The following NPHS2 variants were observed in gnomAD, a reference collection of about 807,000 sequenced individuals.
NPHS2 encodes podocin.
NPHS2 carries 36 observed loss-of-function variants against 37.1 expected under a neutral mutation model. The ratio of observed to expected loss-of-function variants is 0.97; its 90% CI spans 0.74 to 1.28. The LOEUF (loss-of-function observed/expected upper bound fraction) is 1.28, where lower values mean the gene tolerates loss of function less well. Ranked by LOEUF, NPHS2 falls within the 50% of genes most tolerant of loss-of-function variation. The probability of loss-of-function intolerance (pLI) is 0.00; values close to 1 mark genes in which losing one functional copy is unlikely to be tolerated. For synonymous variants in NPHS2, 196 were observed against 189.3 expected (o/e 1.04, Z -0.29); for missense variants, 447 against 488.1 (o/e 0.92, Z 0.79).
intron 1 of NPHS2, among the ~76,000 whole-genome samples, chr1:179,569,755 A>C (rs1211506761): frequency 6.6e-6 from 1 of 152,166 alleles, no homozygotes; most frequent in African/African-American, 2.4e-5. Context: ...AAAATCTCTC[A>C]GCATTTTGCT....
At chr1:179,551,933 C>T (rs1673343190) in intron 7 of NPHS2, 1 of 174,510 alleles carries the variant, frequency 5.7e-6, no homozygotes, top group African/African-American at 2.4e-5. Flanking sequence ...GACTATCCTC[C>T]TCCCCTTCCT....
Position 179,575,821 on chromosome 1 carries a change from C to T in NPHS2, c.44G>A (p.Arg15Gln), listed in dbSNP as rs1347576607. The T allele has an allele frequency of 6.2e-6, 9 of 1,458,686 alleles. No homozygotes were observed. In the South Asian group the frequency reaches 1.2e-4, roughly 19 times the overall value. The allele number at this position is 1,458,686 out of a possible 1,614,324, so 90.4% of individuals were successfully genotyped here. The change falls in exon 1 of 8, where the codon CGA (arginine) becomes CAA (glutamine). Residue 15 changes from arginine to glutamine, a missense_variant. Arg to Gln is a conservative substitution (Grantham distance 43). Transcript: ENST00000367615. ...CTCCTTGTGCGGAGTCCTGCCGCCT[C>T]GCCCGCGGGACTCCCTGGAGGAGCT... ...ARSSSRESRG[R>Q]GGRTPHKENK...
rs188735980 is a variant in NPHS2, at chr1:179,554,743, T to C, written c.739-212A>G. ...AATATCTGTGCAATTGAAGATGGTG[T>C]GGTATGCTGAATAATGGTCCCCAAA... On this transcript the variant is annotated intron_variant, in intron 5 of 7. Coordinates refer to ENST00000367615, the MANE Select transcript of NPHS2 (RefSeq NM_014625.4). 558 of 648,202 alleles carry C rather than the reference T, an allele frequency of 8.6e-4. 2 individuals carry two copies. The highest frequency in any genetic ancestry group is 4.2e-3 in the Admixed American group (165 of 39,588). The allele number at this position is 648,202 out of a possible 1,614,324, so 40.2% of individuals were successfully genotyped here.
chr1:179,552,519 G>T, intron 7 of NPHS2, 84 bp downstream of exon 7: 1 of 1,048,590 alleles, frequency 9.5e-7, no homozygotes, highest in Non-Finnish European at 1.5e-6. Context: ...CCTAATGAAT[G>T]GACAGTAAGG....
chr1:179,554,360 T>G, intron 6 of NPHS2, 116 bp downstream of exon 6: 1 of 1,210,576 alleles, frequency 8.3e-7, no homozygotes, highest in Non-Finnish European at 1.2e-6. Flanking sequence ...TTTTATAAAT[T>G]TATGCTGATA....
rs1317728605 is a variant in NPHS2, at chr1:179,556,724, C to T, written c.738+303G>A. Among the ~76,000 whole-genome samples, 3 of 152,128 alleles carry T rather than the reference C, an allele frequency of 2.0e-5. No homozygotes were observed. The highest frequency in any genetic ancestry group is 2.1e-4 in the South Asian group (1 of 4,818). On this transcript the variant is annotated intron_variant, in intron 5 of 7. Coordinates refer to ENST00000367615, the MANE Select transcript of NPHS2 (RefSeq NM_014625.4). This position sits in a 1 kb window ranked among gnomAD's most constrained non-coding sequence, Gnocchi z 4.1. The stretch of plus-strand genomic sequence containing the variant: ...ACCCCTCCTGTCCATCCCCACCAAC[C>T]CCACCGTTCCTGCCAGCAATCATTC...
rs1368752822 is a variant in NPHS2, at chr1:179,550,727, G to A, written c.*446C>T. The A allele has an allele frequency of 4.6e-6, 1 of 215,878 alleles. No individual in the cohort carries two copies. The highest frequency in any genetic ancestry group is 2.3e-5 in the African/African-American group (1 of 43,962). The allele number at this position is 215,878 out of a possible 1,614,324, so 13.4% of individuals were successfully genotyped here. A position where few individuals can be genotyped will look rare whatever the true frequency, so the allele number is the denominator to read the frequency against. ...AAACTAAGACTTGGTAGTATCATTG[G>A]AGAGAAGACTGCATCTTTGGGACAG... On this transcript the variant is annotated 3_prime_UTR_variant, in exon 8 of 8. Transcript: ENST00000367615.
intron 6 of NPHS2, 50 bp from the exon 7 acceptor site, chr1:179,552,731 G>C: frequency 2.1e-6 from 3 of 1,427,302 alleles, no homozygotes; most frequent in Non-Finnish European, 3.0e-6. Context: ...TGATTTAGGG[G>C]CCAAAGCTTT....
chr1:179,551,151 G>T lies in NPHS2; in HGVS notation c.*22C>A. 6.2e-7 allele frequency: 1 copy of T among 1,613,350 alleles called. No individual in the cohort carries two copies. On this transcript the variant is annotated 3_prime_UTR_variant, in exon 8 of 8. Coordinates refer to ENST00000367615, the MANE Select transcript of NPHS2 (RefSeq NM_014625.4). Reference sequence around the variant, plus strand: ...CTTTTCTATGGCAGGCCCCTTTACAGTCACATTATGCCCCATCCTTCCTAT... The same window carrying T: ...CTTTTCTATGGCAGGCCCCTTTACATTCACATTATGCCCCATCCTTCCTAT...
intron 1 of NPHS2, among the ~76,000 whole-genome samples, chr1:179,565,189 G>C (rs1267742250): frequency 6.6e-6 from 1 of 152,194 alleles, no homozygotes; most frequent in Non-Finnish European, 1.5e-5. Flanking sequence ...TGGGAAGAAA[G>C]GTTGAGCCTG....
chr1:179,571,306 A>G (rs182114176), intron 1 of NPHS2, among the ~76,000 whole-genome samples: 2 of 152,252 alleles, frequency 1.3e-5, no homozygotes, highest in Admixed American at 6.5e-5. Flanking sequence ...TTAGTTTTCC[A>G]TCTAACAGTC....
At chr1:179,561,471 G>C (rs1466642225) in intron 2 of NPHS2, 110 bp from the exon 3 acceptor site, 1 of 788,670 alleles carries the variant, frequency 1.3e-6, no homozygotes, top group African/African-American at 1.8e-5. Flanking sequence ...TTGAGAACCA[G>C]GAAAAAATTT....
intron 1 of NPHS2, among the ~76,000 whole-genome samples, chr1:179,570,463 G>C (rs940283307): frequency 2.0e-5 from 3 of 152,258 alleles, no homozygotes; most frequent in African/African-American, 7.2e-5. Flanking sequence ...TGCAGCAGGA[G>C]AATGTCCTTA....
At chr1:179,569,020 A>G (rs956959323) in intron 1 of NPHS2, among the ~76,000 whole-genome samples, 1 of 152,168 alleles carries the variant, frequency 6.6e-6, no homozygotes, top group African/African-American at 2.4e-5. Context: ...AGAAGAATAT[A>G]TATTCTGTTG....
At chr1:179,555,496 C>T (rs1349786278) in intron 5 of NPHS2, among the ~76,000 whole-genome samples, 2 of 152,206 alleles carry the variant, frequency 1.3e-5, no homozygotes, top group African/African-American at 4.8e-5. Context: ...CTTCTTTTTA[C>T]ACTTCTTTTC....
At chr1:179,568,359 C>T (rs1674416660) in intron 1 of NPHS2, among the ~76,000 whole-genome samples, 1 of 152,156 alleles carries the variant, frequency 6.6e-6, no homozygotes, top group Admixed American at 6.5e-5. Context: ...TTACAGTATT[C>T]TCTGATGGTA....
rs1303824984 is a variant in NPHS2 at position 179,550,863 on chromosome 1, G to A, written c.*310C>T. The A allele has an allele frequency of 2.5e-6, 1 of 407,296 alleles. No homozygotes were observed. Among genetic ancestry groups the A allele is most frequent in the Non-Finnish European group, 4.6e-6 (1 of 215,642 alleles). The allele number at this position is 407,296 out of a possible 1,614,324, so 25.2% of individuals were successfully genotyped here. ...AGGACATACAGTGAAAGGGACATCT[G>A]AACCAAGTTCCCAGAAGTCAAAATT... On this transcript the variant is annotated 3_prime_UTR_variant, in exon 8 of 8. Transcript: ENST00000367615.
intron 1 of NPHS2, among the ~76,000 whole-genome samples, chr1:179,567,904 C>T (rs1353657660): frequency 6.6e-6 from 1 of 152,168 alleles, no homozygotes; most frequent in Non-Finnish European, 1.5e-5. Context: ...CCTTGCATCC[C>T]AGGGATGAAG....
Position 179,564,720 on chromosome 1 carries a change from G to A in NPHS2, c.348C>T (p.Thr116=). The change falls in exon 2 of 8, where the codon ACC becomes ACT. Residue 116 remains threonine (T), a synonymous_variant. Coordinates refer to ENST00000367615, the MANE Select transcript of NPHS2 (RefSeq NM_014625.4). ...VLISLLFIIM[T]FPFSIWFCVK... ...CGCAGAACCAGATGGAAAAAGGGAA[G>A]GTCATGATGATGAAGAGCAGGGAAA... is the stretch of plus-strand genomic sequence containing the variant. 3 of 1,614,094 alleles carry A rather than the reference G, an allele frequency of 1.9e-6. No individual in the cohort carries two copies. Among genetic ancestry groups the A allele is most frequent in the Non-Finnish European group, 2.5e-6 (3 of 1,180,014 alleles).
Sources: gnomAD v4.1 joint callset for allele counts (sites outside exome capture counted in the v4.1 genomes callset) on GRCh38, gnomAD v4.1.1 for gene constraint, Gnocchi (gnomAD v3.1) non-coding constraint, MANE v1.5 for transcripts, NCBI Gene and HGNC (gene_info 2026-07-23, HGNC 2026-07-21) for gene names.